The following IL12RB2 variants were observed in gnomAD, a reference collection of about 807,000 sequenced individuals.
IL12RB2 encodes interleukin 12 receptor subunit beta 2, also known as interleukin-12 receptor subunit beta-2.
Under a neutral mutation model 89.4 loss-of-function variants are expected in IL12RB2, and 82 were observed. The ratio of observed to expected loss-of-function variants is 0.92; its 90% confidence interval spans 0.77 to 1.10. The LOEUF (loss-of-function observed/expected upper bound fraction) is 1.10, where lower values mean the gene tolerates loss of function less well. Among genes scored for constraint, IL12RB2 ranks in the 50% least tolerant of loss-of-function variants. The probability of loss-of-function intolerance (pLI) is 0.00; values close to 1 mark genes in which losing one functional copy is unlikely to be tolerated. For missense variants in IL12RB2, 963 were observed against 1,031.9 expected (o/e 0.93, Z 0.92); for synonymous variants, 368 against 370.1 (o/e 0.99, Z 0.07).
chr1:67,320,723 ATTTTTCTTT>A (rs1227579879), intron 3 of IL12RB2, among the ~76,000 whole-genome samples: 1 of 151,858 alleles, frequency 6.6e-6, no homozygotes, highest in Non-Finnish European at 1.5e-5. Flanking sequence ...ATTTCAGCAC[ATTTTTCTTT>A]TTTTTCTTTT....
At chr1:67,381,913 G>A (rs1664639442) in intron 14 of IL12RB2, among the ~76,000 whole-genome samples, 1 of 152,128 alleles carries the variant, frequency 6.6e-6, no homozygotes, top group Non-Finnish European at 1.5e-5. Context: ...TTGAACCCAG[G>A]AGGCAGAGGT....
chr1:67,332,027 A>C (rs1341372082), intron 8 of IL12RB2, among the ~76,000 whole-genome samples: 4 of 152,206 alleles, frequency 2.6e-5, no homozygotes, highest in African/African-American at 9.7e-5. Context: ...ATATGTGTGC[A>C]TGTAAACTAG....
rs1450363853 is a variant in IL12RB2, at chr1:67,372,725, C to A, written c.1659C>A (p.Leu553=). ...CAGTCCAGGAGCAAATGGGCTGCCT[C>A]CTCCATTATAGGATATACTGGAAGG... ...SIPVQEQMGC[L]LHYRIYWKER... The change falls in exon 13 of 17, where the codon CTC becomes CTA. Residue 553 remains leucine, a synonymous_variant. Coordinates refer to ENST00000674203, the MANE Select transcript of IL12RB2 (RefSeq NM_001374259.2). 3 of 1,606,280 alleles carry A rather than the reference C, an allele frequency of 1.9e-6. No individual in the cohort carries two copies. The South Asian group carries it at 3.3e-5, about 18-fold the overall frequency.
intron 14 of IL12RB2, among the ~76,000 whole-genome samples, chr1:67,385,709 G>T (rs1288866094): frequency 6.6e-6 from 1 of 152,188 alleles, no homozygotes; most frequent in South Asian, 2.1e-4. Context: ...TCATAGGAAA[G>T]AATAGGCACA....
At chr1:67,315,874 G>C (rs945117372) in intron 2 of IL12RB2, among the ~76,000 whole-genome samples, 2 of 152,284 alleles carry the variant, frequency 1.3e-5, no homozygotes, top group East Asian at 1.9e-4. Context: ...AAACAGCAGG[G>C]AAGTCAAAGT....
intron 13 of IL12RB2, among the ~76,000 whole-genome samples, chr1:67,379,233 G>A (rs894522589): frequency 4.6e-5 from 7 of 150,664 alleles, no homozygotes; most frequent in South Asian, 2.1e-4. Context: ...ATAACTGGCC[G>A]GACGCAGTGA....
chr1:67,379,965 C>A (rs1034358724), intron 13 of IL12RB2, 21 bp from the exon 14 acceptor site: 1 of 1,578,202 alleles, frequency 6.3e-7, no homozygotes, highest in African/African-American at 1.3e-5. Flanking sequence ...ACATGCCTTT[C>A]TTCCTTTATC....
intron 4 of IL12RB2, among the ~76,000 whole-genome samples, chr1:67,324,087 A>C (rs761433435): frequency 7.9e-5 from 12 of 152,248 alleles, no homozygotes; most frequent in Non-Finnish European, 1.5e-4. Flanking sequence ...ATGAAAAGTT[A>C]ATATAGTATT....
intron 1 of IL12RB2, among the ~76,000 whole-genome samples, chr1:67,311,173 T>G (rs1227958644): frequency 6.6e-6 from 1 of 152,210 alleles, no homozygotes; most frequent in Non-Finnish European, 1.5e-5. Flanking sequence ...CTACTACAGT[T>G]GCTCAGGAGG....
chr1:67,389,459 T>C (rs11209063), intron 15 of IL12RB2, among the ~76,000 whole-genome samples: 1 of 152,162 alleles, frequency 6.6e-6, no homozygotes, highest in African/African-American at 2.4e-5. Context: ...GATTTTTCCT[T>C]CTACATCATA....
At chr1:67,370,904 C>A (rs1268924873) in intron 11 of IL12RB2, among the ~76,000 whole-genome samples, 1 of 152,216 alleles carries the variant, frequency 6.6e-6, no homozygotes, top group African/African-American at 2.4e-5. Flanking sequence ...CAAAAATAAA[C>A]CACAACTTCT....
At chr1:67,316,941 T>C (rs1178600208) in intron 2 of IL12RB2, among the ~76,000 whole-genome samples, 1 of 152,218 alleles carries the variant, frequency 6.6e-6, no homozygotes, top group Non-Finnish European at 1.5e-5. Flanking sequence ...GTTGTTTCCA[T>C]GAGAGCTAAA....
Position 67,380,010 on chromosome 1 carries a change from A to T in IL12RB2, c.1742A>T (p.Asn581Ile). 1 of 1,612,314 alleles carries T rather than the reference A, an allele frequency of 6.2e-7. No homozygotes were observed. Residue 581 changes from asparagine (N) to isoleucine (I), a missense_variant, in exon 14 of 17, where the codon AAT becomes ATT. Transcript: ENST00000674203. ...LCEIPYRVSQ[N>I]SHPINSLQPR... is the part of the protein sequence containing the mutation. ...GAAATTCCCTACAGAGTCTCCCAAA[A>T]TTCACATCCAATAAACAGCCTGCAG... is the stretch of plus-strand genomic sequence containing the variant.
chr1:67,393,462 C>T (rs189186650), intron 16 of IL12RB2, among the ~76,000 whole-genome samples: 15 of 152,346 alleles, frequency 9.8e-5, no homozygotes, highest in African/African-American at 1.4e-4. Flanking sequence ...AAGCCATTTC[C>T]GCACAGGGTG....
intron 10 of IL12RB2, among the ~76,000 whole-genome samples, chr1:67,356,760 A>G (rs1256704866): frequency 2.6e-5 from 4 of 152,176 alleles, no homozygotes; most frequent in Non-Finnish European, 5.9e-5. Context: ...AAGAAAAGCC[A>G]AGGTTGTTGA....
At position 67,396,835 on chromosome 1, in the gene IL12RB2, G is replaced by A. The variant is rs986739014; in HGVS notation, c.*746G>A. 4 of 152,464 alleles carry A rather than the reference G, an allele frequency of 2.6e-5. No individual in the cohort carries two copies. The highest frequency in any genetic ancestry group is 4.4e-5 in the Non-Finnish European group (3 of 68,178). 9.4% of individuals were successfully genotyped at this position (152,464 alleles called of 1,614,324 possible). On this transcript the variant is annotated 3_prime_UTR_variant, in exon 17 of 17. Coordinates refer to ENST00000674203, the MANE Select transcript of IL12RB2 (RefSeq NM_001374259.2). ...ACTGGTCTCATTTGCAGAAGTCTAA[G>A]AATGTACCTTTTTCTGGCCGGGCGT...
intron 10 of IL12RB2, among the ~76,000 whole-genome samples, chr1:67,365,570 A>G (rs1311698430): frequency 6.6e-6 from 1 of 152,218 alleles, no homozygotes. Flanking sequence ...GACATTACAA[A>G]GCCTGGTAAC....
At chr1:67,358,875 C>T (rs1055736308) in intron 10 of IL12RB2, among the ~76,000 whole-genome samples, 1 of 152,120 alleles carries the variant, frequency 6.6e-6, no homozygotes, top group Non-Finnish European at 1.5e-5. Context: ...GGTGCAGTGG[C>T]TCATGCCTAT....
intron 14 of IL12RB2, among the ~76,000 whole-genome samples, chr1:67,384,118 G>C (rs1236720001): frequency 6.6e-6 from 1 of 152,226 alleles, no homozygotes; most frequent in South Asian, 2.1e-4. Flanking sequence ...GTAGGGGCTT[G>C]CACCCCACAT....
Sources: allele counts gnomAD v4.1 joint callset (sites outside exome capture counted in the v4.1 genomes callset), GRCh38; gene constraint gnomAD v4.1.1; transcripts MANE v1.5; gene names NCBI Gene and HGNC (gene_info 2026-07-23, HGNC 2026-07-21).